Variants in EVL observed in about 807,000 individuals in gnomAD.
EVL encodes the protein ena/VASP-like protein.
EVL carries 21 observed loss-of-function variants against 59.6 expected under a neutral mutation model. The observed-to-expected ratio is 0.35, with a 90% CI of 0.25 to 0.51. The LOEUF (loss-of-function observed/expected upper bound fraction) is 0.51. EVL is among the 20% of genes least tolerant of loss of function. The pLI is 0.97. For missense variants in EVL, 462 were observed against 546.6 expected (o/e 0.85, Z 1.54); for synonymous variants, 198 against 203.5 (o/e 0.97, Z 0.23).
intron 1 of EVL, among the ~76,000 whole-genome samples, chr14:100,050,854 C>T (rs1386147557): frequency 6.6e-6 from 1 of 150,602 alleles, no homozygotes; most frequent in Non-Finnish European, 1.5e-5. Flanking sequence ...GCAGTCCTCC[C>T]GCCTCAGCCT....
intron 1 of EVL, among the ~76,000 whole-genome samples, chr14:100,023,644 T>A (rs2061164999): frequency 1.3e-5 from 2 of 151,868 alleles, no homozygotes; most frequent in Admixed American, 1.3e-4. Flanking sequence ...TGTAATTTTG[T>A]AGAGACGGGG....
At position 100,039,912 on chromosome 14, in the gene EVL, G is replaced by A. The variant is rs532455402; in HGVS notation, c.6-44775G>A. Among the ~76,000 whole-genome samples, 6 of 152,244 alleles carry A rather than the reference G, an allele frequency of 3.9e-5. No homozygotes were observed. The South Asian group carries it at 1.2e-3, about 32-fold the overall frequency. ...TCTCACCTCAGCCTCCTGAGAGGCT[G>A]GGACCACAAGTGCACACCACCACAC... On this transcript the variant is annotated intron_variant, in intron 1 of 13. Transcript: ENST00000402714.
At chr14:100,082,000 T>C (rs1262733939) in intron 1 of EVL, among the ~76,000 whole-genome samples, 1 of 152,226 alleles carries the variant, frequency 6.6e-6, no homozygotes, top group Admixed American at 6.5e-5. Flanking sequence ...GGTATGTGCC[T>C]GTAGTCCCAG....
intron 1 of EVL, among the ~76,000 whole-genome samples, chr14:100,076,766 T>C (rs1329059043): frequency 6.6e-6 from 1 of 152,112 alleles, no homozygotes; most frequent in Non-Finnish European, 1.5e-5. Context: ...CCTGTGTGCA[T>C]TTCCACAAGA....
At chr14:100,077,139 C>G (rs1220441346) in intron 1 of EVL, among the ~76,000 whole-genome samples, 2 of 152,096 alleles carry the variant, frequency 1.3e-5, no homozygotes, top group African/African-American at 4.8e-5. Context: ...TCTCTGGTGA[C>G]ATTGCAATTG....
At chr14:100,075,165 C>G (rs2062134739) in intron 1 of EVL, among the ~76,000 whole-genome samples, 1 of 152,218 alleles carries the variant, frequency 6.6e-6, no homozygotes, top group African/African-American at 2.4e-5. Flanking sequence ...TGCATGGCTG[C>G]AGGGGCTCTT....
At chr14:100,096,940 G>A (rs934437247) in intron 2 of EVL, 1 of 152,640 alleles carries the variant, frequency 6.6e-6, no homozygotes, top group African/African-American at 2.4e-5. Flanking sequence ...TCGACACATA[G>A]CCCACTTATT....
At chr14:100,104,969 A>T (rs1396329258) in intron 3 of EVL, among the ~76,000 whole-genome samples, 1 of 124,714 alleles carries the variant, frequency 8.0e-6, no homozygotes, top group South Asian at 2.6e-4. Flanking sequence ...AGAAGAAGGG[A>T]TGGGAGCTGG....
At chr14:100,073,050 C>T (rs902767955) in intron 1 of EVL, among the ~76,000 whole-genome samples, 33 of 152,158 alleles carry the variant, frequency 2.2e-4, no homozygotes, top group African/African-American at 7.2e-4. Flanking sequence ...CTCTGTTTCT[C>T]GGTCACTGAA....
chr14:100,111,452 C>T (rs1003636299), intron 3 of EVL, among the ~76,000 whole-genome samples: 14 of 152,162 alleles, frequency 9.2e-5, no homozygotes, highest in Non-Finnish European at 1.3e-4. Flanking sequence ...CCACCGTGCC[C>T]GGCCAGTTTC....
intron 2 of EVL, among the ~76,000 whole-genome samples, chr14:100,093,204 G>T (rs759958467): frequency 6.6e-6 from 1 of 152,180 alleles, no homozygotes; most frequent in Non-Finnish European, 1.5e-5. Flanking sequence ...TCCTGTTTTA[G>T]AAGTCAATTT....
intron 13 of EVL, among the ~76,000 whole-genome samples, chr14:100,142,933 C>T (rs147516292): frequency 5.3e-5 from 8 of 151,924 alleles, no homozygotes; most frequent in African/African-American, 1.9e-4. Context: ...TGGCTGAGAG[C>T]CCGGGGGTAG....
intron 1 of EVL, among the ~76,000 whole-genome samples, chr14:100,007,572 G>C (rs984598200): frequency 7.2e-5 from 11 of 152,206 alleles, no homozygotes; most frequent in African/African-American, 2.4e-4. Flanking sequence ...ATACCCTTGG[G>C]AACTAGATAT....
Position 99,972,882 on chromosome 14 carries a change from G to T in EVL, c.5+825G>T, listed in dbSNP as rs988564195. ...TAGTTTGTAACTATAGTTTCGTTTT[G>T]CCTGTTTTGTATTATTTATGACAAT... On this transcript the variant is annotated intron_variant, in intron 1 of 13. Coordinates refer to the EVL transcript ENST00000402714. The surrounding 1 kb of genome is among the most constrained non-coding windows in gnomAD (Gnocchi z 4.4). Among the ~76,000 whole-genome samples the T allele has an allele frequency of 5.3e-5, 8 of 151,448 alleles. No individual in the cohort carries two copies. The highest frequency in any genetic ancestry group is 1.9e-4 in the African/African-American group (8 of 41,178).
At chr14:100,091,649 A>T (rs1045091259) in intron 2 of EVL, among the ~76,000 whole-genome samples, 1 of 152,124 alleles carries the variant, frequency 6.6e-6, no homozygotes, top group Non-Finnish European at 1.5e-5. Flanking sequence ...TATGCCCTTT[A>T]TTAAGAAACC....
At chr14:100,142,654 G>T (rs1889258199) in intron 13 of EVL, among the ~76,000 whole-genome samples, 1 of 152,132 alleles carries the variant, frequency 6.6e-6, no homozygotes, top group African/African-American at 2.4e-5. Context: ...AAAGACCCAG[G>T]CCTCCTCCCC....
At chr14:100,083,539 G>A (rs1335833192) in intron 1 of EVL, among the ~76,000 whole-genome samples, 3 of 152,074 alleles carry the variant, frequency 2.0e-5, no homozygotes, top group African/African-American at 7.2e-5. Context: ...GGTTTATGAA[G>A]AGCCAGTGGG....
intron 3 of EVL, among the ~76,000 whole-genome samples, chr14:100,099,401 C>G (rs1284812475): frequency 6.6e-6 from 1 of 152,098 alleles, no homozygotes; most frequent in Non-Finnish European, 1.5e-5. Context: ...CACACACACA[C>G]TGTAGGAGAG....
At chr14:100,002,684 A>G (rs901116216) in intron 1 of EVL, among the ~76,000 whole-genome samples, 6 of 152,262 alleles carry the variant, frequency 3.9e-5, no homozygotes, top group African/African-American at 1.4e-4. Context: ...GACATAATTT[A>G]TAACTTGATT....
Sources: allele counts gnomAD v4.1 joint callset (sites outside exome capture counted in the v4.1 genomes callset), GRCh38; gene constraint gnomAD v4.1.1; non-coding constraint Gnocchi (gnomAD v3.1); transcripts MANE v1.5; gene names NCBI Gene and HGNC (gene_info 2026-07-23, HGNC 2026-07-21).